PTPN3: variants seen among roughly 807,000 people sequenced by gnomAD.
The protein encoded by PTPN3 is tyrosine-protein phosphatase non-receptor type 3.
PTPN3 carries 96 observed loss-of-function variants against 132.7 expected under a neutral mutation model. The observed-to-expected ratio is 0.72, with a 90% confidence interval of 0.61 to 0.86. PTPN3 has a LOEUF of 0.86. Among genes scored for constraint, PTPN3 ranks in the 40% least tolerant of loss-of-function variants. The pLI is 0.00. For missense variants in PTPN3, 1,125 were observed against 1,159.6 expected (o/e 0.97, Z 0.43); for synonymous variants, 398 against 429.0 (o/e 0.93, Z 0.89).
At chr9:109,502,099 T>C (rs1047721027), upstream of PTPN3, among the ~76,000 whole-genome samples, 5 of 152,214 alleles carry the variant, frequency 3.3e-5, no homozygotes, top group Non-Finnish European at 7.3e-5. Context: ...TCACAGGTAA[T>C]GGACCAGATT....
At chr9:109,533,016 C>A in the PTPN3 span, 1 of 399,768 alleles carries the variant, frequency 2.5e-6, no homozygotes, top group Non-Finnish European at 3.7e-6. Context: ...AGTGCAATGG[C>A]GCGATCTCGG....
chr9:109,439,621 C>T (rs532206854), intron 7 of PTPN3, among the ~76,000 whole-genome samples: 2 of 152,296 alleles, frequency 1.3e-5, no homozygotes, highest in African/African-American at 4.8e-5. Flanking sequence ...GTTGAAAGGG[C>T]AATGCAGCCG....
chr9:109,505,439 A>AT, the PTPN3 span, among the ~76,000 whole-genome samples: 2 of 151,950 alleles, frequency 1.3e-5, no homozygotes, highest in South Asian at 4.2e-4. Flanking sequence ...CACCTGGCTA[A>AT]TTTTTTTTGT....
chr9:109,528,123 A>T, the PTPN3 span, among the ~76,000 whole-genome samples: 3 of 152,228 alleles, frequency 2.0e-5, no homozygotes, highest in African/African-American at 7.2e-5. Flanking sequence ...TATAGAACAA[A>T]CTGGGATCCT....
chr9:109,449,389 G>A, intron 5 of PTPN3: 1 of 985,868 alleles, frequency 1.0e-6, no homozygotes, highest in Non-Finnish European at 1.2e-6. Context: ...CCCAGGAACT[G>A]TGGGTGCATG....
intron 19 of PTPN3, chr9:109,392,890 CACTGCACCCGGCTATAT>C (rs1840248559): frequency 6.6e-6 from 1 of 152,228 alleles, no homozygotes; most frequent in African/African-American, 2.4e-5. Context: ...AGGCGTGAGT[CACTGCACCCGGCTATAT>C]TGGCACTTCT....
chr9:109,471,815 A>G (rs1000520448), intron 1 of PTPN3, among the ~76,000 whole-genome samples: 9 of 152,136 alleles, frequency 5.9e-5, no homozygotes, highest in Non-Finnish European at 1.0e-4. Context: ...TTGAAGTTGC[A>G]TTTTAAATAA....
At chr9:109,533,567 G>A in the PTPN3 span, 1 of 1,596,724 alleles carries the variant, frequency 6.3e-7, no homozygotes, top group Non-Finnish European at 8.6e-7. Context: ...GTCCTCTCTA[G>A]GCTGTCTTTG....
intron 12 of PTPN3, among the ~76,000 whole-genome samples, chr9:109,425,679 C>T (rs1056216516): frequency 1.7e-4 from 25 of 150,836 alleles, no homozygotes; most frequent in African/African-American, 5.6e-4. Flanking sequence ...CTAGCCTGGG[C>T]GACAGAGTGA....
rs147174947 is a variant in PTPN3, at chr9:109,410,283, G to A, written c.1446C>T (p.His482=). ...GVDQQLLDDF[H]RVTKGGSTED... Reference sequence around the variant, plus strand: ...CGGTGGAGCCCCCTTTGGTCACCCTGTGGAAGTCATCTAAGAGCTGCTGAT... The same window carrying A: ...CGGTGGAGCCCCCTTTGGTCACCCTATGGAAGTCATCTAAGAGCTGCTGAT... Residue 482 remains histidine (H), a synonymous_variant, in exon 15 of 26, where the codon CAC becomes CAT. Coordinates refer to ENST00000374541, the MANE Select transcript of PTPN3 (RefSeq NM_002829.4). 1.2e-6 allele frequency: 2 copies of A among 1,614,050 alleles called. No individual in the cohort carries two copies. Among genetic ancestry groups the A allele is most frequent in the South Asian group, 2.2e-5 (2 of 91,084 alleles).
intron 19 of PTPN3, among the ~76,000 whole-genome samples, chr9:109,395,973 C>T (rs1840568232): frequency 6.6e-6 from 1 of 151,328 alleles, no homozygotes; most frequent in Non-Finnish European, 1.5e-5. Context: ...TCTCCTGCCT[C>T]AGCCTCCCGT....
intron 5 of PTPN3, chr9:109,450,974 T>C: frequency 2.0e-6 from 2 of 983,952 alleles, no homozygotes; most frequent in Non-Finnish European, 2.4e-6. Flanking sequence ...ACTACAAAGC[T>C]GGGGTAAGAT....
intron 7 of PTPN3, among the ~76,000 whole-genome samples, chr9:109,442,730 A>G (rs1844576891): frequency 6.6e-6 from 1 of 152,240 alleles, no homozygotes; most frequent in African/African-American, 2.4e-5. Flanking sequence ...TAATAGTTTT[A>G]CATACAGTCA....
At chr9:109,508,041 G>C in the PTPN3 span, among the ~76,000 whole-genome samples, 31,847 of 151,878 alleles carry the variant, frequency 0.21, 3,539 homozygotes, top group Middle Eastern at 0.31. Flanking sequence ...ACATTCGACT[G>C]TCTCTGCCTG....
chr9:109,511,296 T>C, the PTPN3 span, among the ~76,000 whole-genome samples: 1,261 of 152,106 alleles, frequency 8.3e-3, 12 homozygotes, highest in African/African-American at 0.028. Context: ...GAGTTTAAAC[T>C]AGAGAACAGT....
chr9:109,508,860 C>A, the PTPN3 span, among the ~76,000 whole-genome samples: 5 of 151,954 alleles, frequency 3.3e-5, no homozygotes, highest in Non-Finnish European at 1.5e-5. Flanking sequence ...ATGTCCCCCC[C>A]CCACCCACCA....
chr9:109,400,865 T>C (rs1333078213), intron 19 of PTPN3, among the ~76,000 whole-genome samples: 1 of 152,250 alleles, frequency 6.6e-6, no homozygotes, highest in Non-Finnish European at 1.5e-5. Context: ...TCCTTTTCTA[T>C]GCCTCTCCTC....
At chr9:109,537,360 G>C in the PTPN3 span, among the ~76,000 whole-genome samples, 2 of 152,260 alleles carry the variant, frequency 1.3e-5, no homozygotes, top group East Asian at 3.9e-4. Context: ...CATATTACTT[G>C]AATAGAATTG....
At chr9:109,505,993 C>T in the PTPN3 span, among the ~76,000 whole-genome samples, 2 of 152,090 alleles carry the variant, frequency 1.3e-5, no homozygotes, top group African/African-American at 4.8e-5. Flanking sequence ...CCTCGTGATC[C>T]GCCTGCCTCA....
Sources: allele counts gnomAD v4.1 joint callset (sites outside exome capture counted in the v4.1 genomes callset), GRCh38; gene constraint gnomAD v4.1.1; transcripts MANE v1.5; gene names NCBI Gene and HGNC (gene_info 2026-07-23, HGNC 2026-07-21).